DOCK1: variants seen among roughly 807,000 people sequenced by gnomAD.
The protein encoded by DOCK1 is dedicator of cytokinesis protein 1.
DOCK1 carries 138 observed loss-of-function variants against 262.7 expected under a neutral mutation model. The observed-to-expected ratio is 0.53, with a 90% CI of 0.46 to 0.61. DOCK1 has a LOEUF of 0.61. Among genes scored for constraint, DOCK1 ranks in the 20% least tolerant of loss-of-function variants. The pLI, the probability that DOCK1 is intolerant of heterozygous loss-of-function variation, is 0.00. For synonymous variants in DOCK1, 866 were observed against 867.4 expected (o/e 1.00, Z 0.03); for missense variants, 1,908 against 2,370.7 (o/e 0.80, Z 4.05).
chr10:127,237,468 A>G (rs1479319342), intron 27 of DOCK1, among the ~76,000 whole-genome samples: 9 of 152,108 alleles, frequency 5.9e-5, no homozygotes, highest in African/African-American at 2.2e-4. Flanking sequence ...ACTCTTTCTT[A>G]CAACTTCCAC....
chr10:127,072,428 G>T (rs2046284204), intron 23 of DOCK1, among the ~76,000 whole-genome samples: 1 of 152,154 alleles, frequency 6.6e-6, no homozygotes, highest in Non-Finnish European at 1.5e-5. Context: ...TGCAATATGT[G>T]ATTTTAAGCA....
chr10:127,419,880 C>T, intron 46 of DOCK1, 131 bp downstream of exon 46: 1 of 940,152 alleles, frequency 1.1e-6, no homozygotes. Flanking sequence ...GTGATTGTCC[C>T]TGGGTGAACC....
intron 22 of DOCK1, among the ~76,000 whole-genome samples, chr10:127,057,598 C>G (rs571595176): frequency 6.6e-6 from 1 of 152,226 alleles, no homozygotes; most frequent in Non-Finnish European, 1.5e-5. Context: ...CTGAAAGATT[C>G]CTGACAGCCG....
intron 33 of DOCK1, among the ~76,000 whole-genome samples, chr10:127,373,366 G>A (rs531438610): frequency 2.0e-5 from 3 of 152,238 alleles, no homozygotes; most frequent in East Asian, 3.9e-4. Context: ...TCAGATTGCC[G>A]AGAACTCTTC....
intron 29 of DOCK1, among the ~76,000 whole-genome samples, chr10:127,330,809 T>C (rs967098129): frequency 6.6e-6 from 1 of 152,126 alleles, no homozygotes; most frequent in Non-Finnish European, 1.5e-5. Flanking sequence ...TCATGAATAT[T>C]AATGAAGGAG....
intron 1 of DOCK1, among the ~76,000 whole-genome samples, chr10:126,915,937 ATC>A (rs1231964764): frequency 6.6e-6 from 1 of 152,178 alleles, no homozygotes; most frequent in Non-Finnish European, 1.5e-5. Flanking sequence ...ATAGAATGGA[ATC>A]TCTATATTCT....
At chr10:127,369,436 T>C (rs748941875) in intron 33 of DOCK1, among the ~76,000 whole-genome samples, 3 of 152,214 alleles carry the variant, frequency 2.0e-5, no homozygotes, top group Non-Finnish European at 2.9e-5. Context: ...GCTGCGATTA[T>C]ATTGAATTTC....
At chr10:127,273,842 G>A (rs1020334808) in intron 29 of DOCK1, among the ~76,000 whole-genome samples, 5 of 149,898 alleles carry the variant, frequency 3.3e-5, no homozygotes, top group African/African-American at 9.9e-5. Context: ...AGATTGCGCC[G>A]CTGCACTCCA....
At chr10:127,240,685 T>G (rs1450939893) in intron 27 of DOCK1, among the ~76,000 whole-genome samples, 1 of 152,230 alleles carries the variant, frequency 6.6e-6, no homozygotes, top group African/African-American at 2.4e-5. Context: ...ATATTTTTAA[T>G]TATTCTTTCT....
intron 21 of DOCK1, among the ~76,000 whole-genome samples, chr10:127,045,873 C>T (rs1482974896): frequency 6.6e-6 from 1 of 152,218 alleles, no homozygotes; most frequent in Non-Finnish European, 1.5e-5. Flanking sequence ...GCTCCGCCCC[C>T]TCTAGCCAGT....
At chr10:127,411,513 C>T (rs906340146) in intron 43 of DOCK1, among the ~76,000 whole-genome samples, 3 of 152,162 alleles carry the variant, frequency 2.0e-5, no homozygotes, top group African/African-American at 7.2e-5. Flanking sequence ...CTACTAGGTG[C>T]CAGTGCCACC....
In DOCK1 at chr10:127,100,994, G is replaced by C. The variant is rs2048207571; in HGVS notation, c.2446-5237G>C. On this transcript the variant is annotated intron_variant, in intron 23 of 51. Transcript: ENST00000623213. This position sits in a 1 kb window ranked among gnomAD's most constrained non-coding sequence, Gnocchi z 5.5. ...TTCATGATAGAAAGCAGGAGGCAGA[G>C]GGGTGAGAACTGAAGGCTCTGAGGA... 6.6e-6 allele frequency among the ~76,000 whole-genome samples: 1 copy of C among 152,110 alleles called. No homozygotes were observed. Among genetic ancestry groups the C allele is most frequent in the Non-Finnish European group, 1.5e-5 (1 of 68,026 alleles).
At chr10:127,022,407 G>A (rs2042498059) in intron 13 of DOCK1, among the ~76,000 whole-genome samples, 1 of 152,010 alleles carries the variant, frequency 6.6e-6, no homozygotes, top group Non-Finnish European at 1.5e-5. Context: ...GTATGCATGT[G>A]CCATGTTGGC....
intron 1 of DOCK1, among the ~76,000 whole-genome samples, chr10:126,949,558 G>T (rs1305578355): frequency 6.6e-6 from 1 of 152,114 alleles, no homozygotes; most frequent in Non-Finnish European, 1.5e-5. Context: ...AGAGCAGCAA[G>T]GGCAGAGCTG....
intron 32 of DOCK1, among the ~76,000 whole-genome samples, chr10:127,361,702 G>A (rs920796819): frequency 7.9e-5 from 12 of 152,144 alleles, no homozygotes; most frequent in Admixed American, 5.9e-4. Context: ...TGAGACCCCC[G>A]ACTCGCAGCC....
intron 44 of DOCK1, among the ~76,000 whole-genome samples, chr10:127,416,928 G>A (rs2068191772): frequency 6.6e-6 from 1 of 151,918 alleles, no homozygotes. Flanking sequence ...CCACACCAGT[G>A]CATCACAATC....
intron 27 of DOCK1, chr10:127,196,186 C>G (rs928789333): frequency 6.6e-6 from 1 of 150,494 alleles, no homozygotes; most frequent in Non-Finnish European, 1.5e-5. Context: ...CTGCCCGCCC[C>G]CTCCACCGCT....
intron 38 of DOCK1, 69 bp downstream of exon 38, chr10:127,384,978 G>GT (rs2066027607): frequency 2.9e-6 from 4 of 1,403,472 alleles, no homozygotes; most frequent in South Asian, 3.8e-5. Flanking sequence ...TTGTAAACAC[G>GT]TTTTTTAGCG....
chr10:127,005,297 A>C (rs1419990400), intron 10 of DOCK1, among the ~76,000 whole-genome samples: 1 of 152,008 alleles, frequency 6.6e-6, no homozygotes, highest in Non-Finnish European at 1.5e-5. Flanking sequence ...GTACCACTGC[A>C]CTTCAGCCTA....
Sources: gnomAD v4.1 joint callset for allele counts (sites outside exome capture counted in the v4.1 genomes callset) on GRCh38, gnomAD v4.1.1 for gene constraint, Gnocchi (gnomAD v3.1) non-coding constraint, MANE v1.5 for transcripts, NCBI Gene and HGNC (gene_info 2026-07-23, HGNC 2026-07-21) for gene names.